Variants in TAFA2 observed in about 807,000 individuals in gnomAD.
TAFA2 encodes chemokine-like protein TAFA-2.
In TAFA2, 7 loss-of-function variants were observed where a neutral mutation model predicts 18.8. The observed-to-expected ratio is 0.37, with a 90% CI of 0.21 to 0.70. The LOEUF (loss-of-function observed/expected upper bound fraction) is 0.70. TAFA2 is among the 30% of genes least tolerant of loss of function. The pLI is 0.53. For missense variants in TAFA2, 122 were observed against 158.1 expected, an observed-to-expected ratio of 0.77 and a Z score of 1.23; for synonymous variants, 60 against 54.2, an observed-to-expected ratio of 1.11 and a Z score of -0.47.
At chr12:61,800,632 C>T (rs1023407769) in intron 2 of TAFA2, among the ~76,000 whole-genome samples, 1 of 151,572 alleles carries the variant, frequency 6.6e-6, no homozygotes, top group African/African-American at 2.4e-5. Flanking sequence ...AGAATTTTAG[C>T]AAAAAAGGAG....
chr12:61,867,923 C>T (rs1170073977), intron 1 of TAFA2, among the ~76,000 whole-genome samples: 2 of 152,084 alleles, frequency 1.3e-5, no homozygotes, highest in Non-Finnish European at 1.5e-5. Flanking sequence ...TTAAAAATCA[C>T]CTGGTTATAT....
At chr12:61,996,536 T>G (rs996374046) in intron 1 of TAFA2, among the ~76,000 whole-genome samples, 1 of 152,188 alleles carries the variant, frequency 6.6e-6, no homozygotes, top group African/African-American at 2.4e-5. Flanking sequence ...AGCTGATGCA[T>G]AAATACTCCA....
chr12:61,956,991 T>G (rs1354318232), intron 1 of TAFA2, among the ~76,000 whole-genome samples: 1 of 152,188 alleles, frequency 6.6e-6, no homozygotes, highest in African/African-American at 2.4e-5. Context: ...AACTATTGGC[T>G]AATTAAAACT....
At chr12:61,756,445 C>A (rs947888276) in intron 2 of TAFA2, among the ~76,000 whole-genome samples, 2 of 151,996 alleles carry the variant, frequency 1.3e-5, no homozygotes, top group Non-Finnish European at 2.9e-5. Context: ...TTTTAATTTG[C>A]CAAATGGTTT....
At chr12:61,817,517 A>G (rs887123052) in intron 2 of TAFA2, among the ~76,000 whole-genome samples, 2 of 152,168 alleles carry the variant, frequency 1.3e-5, no homozygotes, top group African/African-American at 4.8e-5. Context: ...TACATGATCA[A>G]TTCCTAGACA....
intron 1 of TAFA2, among the ~76,000 whole-genome samples, chr12:62,077,300 C>T (rs1185391579): frequency 2.6e-5 from 4 of 152,136 alleles, no homozygotes; most frequent in Non-Finnish European, 5.9e-5. Context: ...GTGTTCTGTT[C>T]CCATTAATTG....
chr12:62,123,400 T>TA (rs548866897), intron 1 of TAFA2, among the ~76,000 whole-genome samples: 33 of 141,558 alleles, frequency 2.3e-4, no homozygotes, highest in East Asian at 8.3e-4. Context: ...AAGAAGGGAA[T>TA]AAAAAAAAAA....
intron 1 of TAFA2, among the ~76,000 whole-genome samples, chr12:62,087,531 A>G (rs1275963607): frequency 6.6e-6 from 1 of 152,124 alleles, no homozygotes; most frequent in East Asian, 1.9e-4. Context: ...AGTATAGCAA[A>G]TGCAAAGTCC....
intron 1 of TAFA2, among the ~76,000 whole-genome samples, chr12:62,085,746 C>T (rs921204871): frequency 2.0e-5 from 3 of 152,048 alleles, no homozygotes; most frequent in African/African-American, 7.2e-5. Flanking sequence ...GGATAACAGG[C>T]CTAAATGTAA....
intron 2 of TAFA2, among the ~76,000 whole-genome samples, chr12:61,837,022 T>G (rs532150321): frequency 6.6e-6 from 1 of 151,614 alleles, no homozygotes; most frequent in Non-Finnish European, 1.5e-5. Flanking sequence ...AGTTTTTAAT[T>G]TTTACATTAA....
At chr12:61,763,048 T>C (rs1162557725) in intron 2 of TAFA2, among the ~76,000 whole-genome samples, 4 of 152,062 alleles carry the variant, frequency 2.6e-5, no homozygotes, top group Non-Finnish European at 4.4e-5. Context: ...ATTTCTCACT[T>C]TAATTCATTA....
chr12:62,058,890 C>T (rs1015053363), intron 1 of TAFA2, among the ~76,000 whole-genome samples: 5 of 151,998 alleles, frequency 3.3e-5, no homozygotes, highest in East Asian at 1.9e-4. Context: ...GATCACGAGG[C>T]CAGGCGATCG....
chr12:61,735,469 A>G (rs1436057307), intron 4 of TAFA2, among the ~76,000 whole-genome samples: 2 of 152,088 alleles, frequency 1.3e-5, no homozygotes, highest in African/African-American at 4.8e-5. Context: ...TACATTACAT[A>G]AAGATCAATT....
At chr12:61,765,986 C>A (rs2120819149) in intron 2 of TAFA2, among the ~76,000 whole-genome samples, 1 of 152,166 alleles carries the variant, frequency 6.6e-6, no homozygotes, top group East Asian at 1.9e-4. Flanking sequence ...CCCCTCATTT[C>A]TTTGGTCACC....
At chr12:61,849,532 A>G (rs1455521464) in intron 2 of TAFA2, among the ~76,000 whole-genome samples, 1 of 152,214 alleles carries the variant, frequency 6.6e-6, no homozygotes, top group African/African-American at 2.4e-5. Context: ...TAAATCACTA[A>G]GTACATAACT....
intron 2 of TAFA2, among the ~76,000 whole-genome samples, chr12:61,863,482 AAG>A (rs367558078): frequency 4.6e-5 from 7 of 152,314 alleles, no homozygotes; most frequent in African/African-American, 1.7e-4. Context: ...TGCTAGCAAA[AAG>A]AGAGGAAAAT....
chr12:61,894,311 G>C (rs1370628855), intron 1 of TAFA2, among the ~76,000 whole-genome samples: 1 of 152,146 alleles, frequency 6.6e-6, no homozygotes, highest in Non-Finnish European at 1.5e-5. Context: ...AATACAAAGT[G>C]AAAGTTAATA....
At chr12:62,245,052 A>G (rs2062878690) in intron 1 of TAFA2, among the ~76,000 whole-genome samples, 1 of 151,912 alleles carries the variant, frequency 6.6e-6, no homozygotes, top group African/African-American at 2.4e-5. Flanking sequence ...TCTTACTTTA[A>G]GGTTGATATT....
chr12:62,256,978 G>A (rs1380108277), intron 1 of TAFA2, among the ~76,000 whole-genome samples: 1 of 152,018 alleles, frequency 6.6e-6, no homozygotes, highest in Non-Finnish European at 1.5e-5. Flanking sequence ...GGGTGGTAGG[G>A]TCGTGGGCGG....
Sources: gnomAD v4.1 joint callset for allele counts (sites outside exome capture counted in the v4.1 genomes callset) on GRCh38, gnomAD v4.1.1 for gene constraint, MANE v1.5 for transcripts, NCBI Gene and HGNC (gene_info 2026-07-23, HGNC 2026-07-21) for gene names.